Variants in AKAP3 observed in about 807,000 individuals in gnomAD.
AKAP3 encodes A-kinase anchor protein 3.
Under a neutral mutation model 57.2 loss-of-function variants are expected in AKAP3, and 27 were observed. The observed-to-expected ratio is 0.47, with a 90% CI of 0.35 to 0.65. The LOEUF (loss-of-function observed/expected upper bound fraction) is 0.65. AKAP3 is among the 30% of genes least tolerant of loss of function. The probability of loss-of-function intolerance (pLI) is 0.01; values close to 1 mark genes in which losing one functional copy is unlikely to be tolerated. For missense variants in AKAP3, 959 were observed against 1,040.0 expected, an observed-to-expected ratio of 0.92 and a Z score of 1.07; for synonymous variants, 334 against 392.3, an observed-to-expected ratio of 0.85 and a Z score of 1.76.
Position 4,627,980 on chromosome 12 carries a change from C to T in AKAP3, c.922G>A (p.Val308Met), listed in dbSNP as rs1945444965. 1 of 1,613,944 alleles carries T rather than the reference C, an allele frequency of 6.2e-7. No individual in the cohort carries two copies. The highest frequency in any genetic ancestry group is 1.3e-5 in the African/African-American group (1 of 74,916). Residue 308 changes from valine to methionine, a missense_variant, in exon 5 of 6, where the codon GTG becomes ATG. Coordinates refer to ENST00000228850, the MANE Select transcript of AKAP3 (RefSeq NM_001278309.2). ...VSIMKTLKIQ[V>M]KDTTIATILL... ...ATGGTGGCAATGGTTGTGTCTTTCA[C>T]TTGGATCTTCAGTGTCTTCATGATG... is the stretch of plus-strand genomic sequence containing the variant.
chr12:4,643,891 C>T (rs767190454), intron 2 of AKAP3, among the ~76,000 whole-genome samples: 1 of 152,166 alleles, frequency 6.6e-6, no homozygotes, highest in Non-Finnish European at 1.5e-5. Flanking sequence ...ATTGCAGAAG[C>T]GAAAGCATAA....
In AKAP3 at chr12:4,627,485, C is replaced by T. The variant is rs148849030; in HGVS notation, c.1417G>A (p.Gly473Ser). The change falls in exon 5 of 6, where the codon GGT (glycine) becomes AGT (serine). Residue 473 changes from glycine (G) to serine (S), a missense_variant. Physicochemically the swap from Gly to Ser is moderately conservative, Grantham distance 56. Transcript: ENST00000228850. ...GCTTCAAATGCTGCATGCTGGAAACCTAGAGATTTACATTCTTTCTGCTGA... is the reference window on the plus strand; with the variant it reads ...GCTTCAAATGCTGCATGCTGGAAACTTAGAGATTTACATTCTTTCTGCTGA... ...KTQQKECKSL[G>S]FQHAAFEAPN... 1.9e-6 allele frequency: 3 copies of T among 1,614,022 alleles called. No individual in the cohort carries two copies. Among genetic ancestry groups the T allele is most frequent in the Non-Finnish European group, 2.5e-6 (3 of 1,180,016 alleles).
chr12:4,621,736 T>G (rs148720979), intron 5 of AKAP3, among the ~76,000 whole-genome samples: 32 of 152,292 alleles, frequency 2.1e-4, no homozygotes, highest in African/African-American at 7.0e-4. Context: ...TCCCCATGAC[T>G]AAGCAATGCA....
At chr12:4,632,920 G>A (rs1030489299) in intron 4 of AKAP3, among the ~76,000 whole-genome samples, 4 of 152,110 alleles carry the variant, frequency 2.6e-5, no homozygotes, top group Admixed American at 1.3e-4. Context: ...GATTACAGGC[G>A]TGAGCCACCA....
rs1172135068 is a variant in AKAP3, at chr12:4,618,019, ATAAAT to A, written c.2407-2130_2407-2126del. 3.3e-5 allele frequency among the ~76,000 whole-genome samples: 5 copies of A among 152,208 alleles called. No homozygotes were observed. The East Asian group carries it at 7.7e-4, about 23-fold the overall frequency. On this transcript the variant is annotated intron_variant, in intron 5 of 5. Transcript: ENST00000228850. ...AAAGATATAGTCAAAAATGCAATAG[ATAAAT>A]TAAAATGGAATACTAAAACATGTTC...
At chr12:4,617,399 G>A (rs1320710733) in intron 5 of AKAP3, among the ~76,000 whole-genome samples, 1 of 152,226 alleles carries the variant, frequency 6.6e-6, no homozygotes, top group African/African-American at 2.4e-5. Flanking sequence ...TGAATGAAGA[G>A]CAACACAAAC....
intron 5 of AKAP3, among the ~76,000 whole-genome samples, chr12:4,620,049 T>A (rs1023503498): frequency 5.3e-5 from 8 of 152,196 alleles, no homozygotes; most frequent in African/African-American, 1.9e-4. Context: ...TATAAAATTC[T>A]GAGGCAGAGA....
chr12:4,637,004 C>T (rs1945575083), intron 4 of AKAP3, among the ~76,000 whole-genome samples: 1 of 152,140 alleles, frequency 6.6e-6, no homozygotes. Flanking sequence ...CCTTGGCCTC[C>T]CAAGGTGTTA....
rs1198087227 is a variant in AKAP3 at position 4,626,672 on chromosome 12, T to C, written c.2230A>G (p.Thr744Ala). 2 of 1,614,106 alleles carry C rather than the reference T, an allele frequency of 1.2e-6. No homozygotes were observed. The change falls in exon 5 of 6, where the codon ACA becomes GCA. Residue 744 changes from threonine to alanine, a missense_variant. Transcript: ENST00000228850. ...YQAIHNEMRGTSGQPPEGCAA... is the reference protein window; with the variant it reads ...YQAIHNEMRGASGQPPEGCAA... ...CACCCTTCAGGGGGCTGTCCTGATG[T>C]GCCTCTCATTTCATTATGGATAGCT... is the stretch of plus-strand genomic sequence containing the variant.
chr12:4,626,788 C>T lies in AKAP3; in HGVS notation c.2114G>A (p.Arg705Lys). 6.2e-7 allele frequency: 1 copy of T among 1,611,796 alleles called. No individual in the cohort carries two copies. The highest frequency in any genetic ancestry group is 8.5e-7 in the Non-Finnish European group (1 of 1,179,878). The change falls in exon 5 of 6, where the codon AGG (arginine) becomes AAG (lysine). Residue 705 changes from arginine to lysine, a missense_variant. Transcript: ENST00000228850. ...LGDDKSGDAS[R>K]LTSAFPDSLY... ...ACTATCTGGGAAGGCCGAAGTTAGC[C>T]TACTGGCATCTCCAGACTTGTCATC... is the stretch of plus-strand genomic sequence containing the variant.
intron 5 of AKAP3, among the ~76,000 whole-genome samples, chr12:4,617,556 C>T (rs1945299923): frequency 6.6e-6 from 1 of 152,090 alleles, no homozygotes; most frequent in South Asian, 2.1e-4. Flanking sequence ...AGTTTGAGAC[C>T]AGCCTGGCCA....
At chr12:4,643,113 T>C (rs922634409) in intron 2 of AKAP3, among the ~76,000 whole-genome samples, 11 of 152,206 alleles carry the variant, frequency 7.2e-5, no homozygotes, top group Admixed American at 5.9e-4. Flanking sequence ...ATTTTTTTCA[T>C]GAAAGCATAA....
At chr12:4,643,901 A>T (rs1359670445) in intron 2 of AKAP3, among the ~76,000 whole-genome samples, 1 of 152,216 alleles carries the variant, frequency 6.6e-6, no homozygotes, top group Non-Finnish European at 1.5e-5. Flanking sequence ...CGAAAGCATA[A>T]GCAAAGTTCT....
Position 4,648,871 on chromosome 12 carries a change from C to T in AKAP3, c.-371G>A. 4.0e-6 allele frequency: 2 copies of T among 502,940 alleles called. No individual in the cohort carries two copies. The highest frequency in any genetic ancestry group is 5.8e-5 in the South Asian group (2 of 34,576). 31.2% of individuals were successfully genotyped at this position (502,940 alleles called of 1,614,324 possible). On this transcript the variant is annotated 5_prime_UTR_variant, in exon 1 of 6. Transcript: ENST00000228850. ...TCAGTCACTGGTTAACTCTGAACTTCAGGTTCCTCGGCAATTAGAGATTAT... is the reference window on the plus strand; with the variant it reads ...TCAGTCACTGGTTAACTCTGAACTTTAGGTTCCTCGGCAATTAGAGATTAT...
intron 5 of AKAP3, among the ~76,000 whole-genome samples, chr12:4,626,071 T>C (rs1332576888): frequency 5.3e-5 from 8 of 152,194 alleles, no homozygotes; most frequent in Non-Finnish European, 1.0e-4. Flanking sequence ...AAGACAGTAA[T>C]GGCATGTTTG....
Position 4,638,082 on chromosome 12 carries a change from T to A in AKAP3, c.96+19A>T. The A allele has an allele frequency of 1.9e-6, 3 of 1,573,592 alleles. No homozygotes were observed. The South Asian group carries it at 3.3e-5, about 17-fold the overall frequency. ...CCCCATATTCTTAACCTAGTGTTTATCAAGAGGTTGACCCTTACCATTTTC... is the reference window on the plus strand; with the variant it reads ...CCCCATATTCTTAACCTAGTGTTTAACAAGAGGTTGACCCTTACCATTTTC... On this transcript the variant is annotated intron_variant, in intron 4 of 5. Transcript: ENST00000228850.
chr12:4,647,594 G>A (rs1945714808), intron 1 of AKAP3, among the ~76,000 whole-genome samples: 3 of 152,130 alleles, frequency 2.0e-5, no homozygotes, highest in South Asian at 4.1e-4. Context: ...TTAACTTAGA[G>A]ATTTTAAATT....
chr12:4,647,260 T>TTTTGAGG (rs1464198261), intron 1 of AKAP3, among the ~76,000 whole-genome samples: 3 of 152,140 alleles, frequency 2.0e-5, no homozygotes, highest in Admixed American at 2.0e-4. Context: ...CATAATAACC[T>TTTTGAGG]TTTGAGGTAC....
chr12:4,621,502 T>C (rs567983437), intron 5 of AKAP3, among the ~76,000 whole-genome samples: 2 of 152,330 alleles, frequency 1.3e-5, no homozygotes, highest in African/African-American at 4.8e-5. Flanking sequence ...TACTGTACCT[T>C]TTCTATATTT....
Sources: gnomAD v4.1 joint callset for allele counts (sites outside exome capture counted in the v4.1 genomes callset) on GRCh38, gnomAD v4.1.1 for gene constraint, MANE v1.5 for transcripts, NCBI Gene and HGNC (gene_info 2026-07-23, HGNC 2026-07-21) for gene names.